The following GRAMD1B variants were observed in gnomAD, a reference collection of about 807,000 sequenced individuals.
GRAMD1B encodes the protein GRAM domain containing 1B, also known as protein Aster-B.
In GRAMD1B, 37 loss-of-function variants were observed where a neutral mutation model predicts 99.7. The ratio of observed to expected loss-of-function variants is 0.37; its 90% CI spans 0.29 to 0.49. The LOEUF (loss-of-function observed/expected upper bound fraction) is 0.49. Among genes scored for constraint, GRAMD1B ranks in the 20% least tolerant of loss-of-function variants. The pLI, the probability that GRAMD1B is intolerant of heterozygous loss-of-function variation, is 0.98. For synonymous variants in GRAMD1B, 427 were observed against 387.6 expected (o/e 1.10, Z -1.19); for missense variants, 888 against 1,009.2 (o/e 0.88, Z 1.63).
intron 2 of GRAMD1B, among the ~76,000 whole-genome samples, chr11:123,553,640 G>A (rs1945852509): frequency 6.6e-6 from 1 of 152,148 alleles, no homozygotes; most frequent in African/African-American, 2.4e-5. Context: ...GAGGTCTTGG[G>A]TTACAGCTGG....
chr11:123,489,759 T>C (rs1374786066), intron 2 of GRAMD1B, among the ~76,000 whole-genome samples: 1 of 152,182 alleles, frequency 6.6e-6, no homozygotes, highest in African/African-American at 2.4e-5. Flanking sequence ...AAAATTCTTG[T>C]TTTAATATGG....
chr11:123,542,501 T>C (rs1265654636), intron 2 of GRAMD1B, among the ~76,000 whole-genome samples: 1 of 152,106 alleles, frequency 6.6e-6, no homozygotes, highest in Non-Finnish European at 1.5e-5. Flanking sequence ...GCTGGAGAGT[T>C]TGTGCTCTGG....
chr11:123,595,085 A>ATT (rs1231637361), intron 6 of GRAMD1B, among the ~76,000 whole-genome samples: 6 of 152,158 alleles, frequency 3.9e-5, no homozygotes, highest in Non-Finnish European at 8.8e-5. Flanking sequence ...CTTTTGTCAA[A>ATT]TGCAGGCAAA....
At chr11:123,401,368 C>CTG (rs1409752133) in intron 1 of GRAMD1B, among the ~76,000 whole-genome samples, 1 of 152,244 alleles carries the variant, frequency 6.6e-6, no homozygotes, top group Non-Finnish European at 1.5e-5. Context: ...CAGCCTGTTG[C>CTG]GTCCGCTCTG....
intron 1 of GRAMD1B, among the ~76,000 whole-genome samples, chr11:123,443,992 A>G (rs1949525830): frequency 6.6e-6 from 1 of 152,128 alleles, no homozygotes; most frequent in African/African-American, 2.4e-5. Flanking sequence ...GTGGAGACCA[A>G]AGTTCTTATT....
chr11:123,613,270 AC>A (rs1473648696), intron 15 of GRAMD1B, 184 bp from the exon 16 acceptor site: 1 of 595,408 alleles, frequency 1.7e-6, no homozygotes, highest in African/African-American at 1.9e-5. Context: ...ATGTTGAACA[AC>A]CCCAGAGGAA....
chr11:123,580,339 C>T (rs1360231655), intron 3 of GRAMD1B, among the ~76,000 whole-genome samples: 1 of 152,162 alleles, frequency 6.6e-6, no homozygotes, highest in Non-Finnish European at 1.5e-5. Context: ...CATGCCCCTC[C>T]CCGTGGAACA....
intron 1 of GRAMD1B, among the ~76,000 whole-genome samples, chr11:123,416,123 T>C (rs1948225948): frequency 6.6e-6 from 1 of 152,212 alleles, no homozygotes; most frequent in African/African-American, 2.4e-5. Flanking sequence ...ACAGTTAGTC[T>C]TCAAAGTGGA....
In GRAMD1B at chr11:123,570,983, G is replaced by T. The variant is rs549816393; in HGVS notation, c.453-6384G>T. 2.0e-5 allele frequency among the ~76,000 whole-genome samples: 3 copies of T among 152,300 alleles called. No homozygotes were observed. In the East Asian group the frequency reaches 5.8e-4, roughly 29 times the overall value. Reference sequence around the variant, plus strand: ...GTGTCCAGGTGTGGGGAGGGGGGCTGACAGTCTGACTGGGAATGCGCCAGG... The same window carrying T: ...GTGTCCAGGTGTGGGGAGGGGGGCTTACAGTCTGACTGGGAATGCGCCAGG... On this transcript the variant is annotated intron_variant, in intron 2 of 19. Coordinates refer to ENST00000635736, the MANE Select transcript of GRAMD1B (RefSeq NM_001387025.1).
intron 4 of GRAMD1B, among the ~76,000 whole-genome samples, chr11:123,590,117 C>T (rs1950498617): frequency 6.6e-6 from 1 of 152,142 alleles, no homozygotes; most frequent in Non-Finnish European, 1.5e-5. Flanking sequence ...CTACTTTGAC[C>T]TGAAGATCTG....
chr11:123,558,767 C>T (rs568234580), intron 2 of GRAMD1B, among the ~76,000 whole-genome samples: 22 of 152,310 alleles, frequency 1.4e-4, no homozygotes, highest in African/African-American at 3.1e-4. Flanking sequence ...CTCTAGGTAA[C>T]GGAGGCAGGG....
rs1255784625 is a variant in GRAMD1B at position 123,624,967 on chromosome 11, T to G, written c.*2372T>G. 6.6e-6 allele frequency: 1 copy of G among 152,180 alleles called. No individual in the cohort carries two copies. The highest frequency in any genetic ancestry group is 1.5e-5 in the Non-Finnish European group (1 of 68,026). 9.4% of individuals were successfully genotyped at this position (152,180 alleles called of 1,614,324 possible). On this transcript the variant is annotated 3_prime_UTR_variant, in exon 20 of 20. Coordinates refer to ENST00000635736, the MANE Select transcript of GRAMD1B (RefSeq NM_001387025.1). ...AGAGCCCTCCTGGTTTTTTAGCGATTTGAACCCACTAGACAATGTGTGCAC... is the reference window on the plus strand; with the variant it reads ...AGAGCCCTCCTGGTTTTTTAGCGATGTGAACCCACTAGACAATGTGTGCAC...
At position 123,363,915 on chromosome 11, in the gene GRAMD1B, C is replaced by T. The variant is rs568194832; in HGVS notation, c.-176+5116C>T. On this transcript the variant is annotated intron_variant, in intron 1 of 20. Transcript: ENST00000638157. The stretch of plus-strand genomic sequence containing the variant: ...ATTTAGTAGCAATTAAATGCATGCC[C>T]GTTTGCACATAACCATCCTTTTGAA... Among the ~76,000 whole-genome samples the T allele has an allele frequency of 7.9e-5, 12 of 152,194 alleles. No homozygotes were observed. In the South Asian group the frequency reaches 8.3e-4, roughly 11 times the overall value.
At chr11:123,421,399 A>G (rs1003810409) in intron 1 of GRAMD1B, among the ~76,000 whole-genome samples, 12 of 152,358 alleles carry the variant, frequency 7.9e-5, no homozygotes, top group African/African-American at 2.6e-4. Context: ...AGGTCAAAAT[A>G]TTATGTCCAA....
chr11:123,591,799 C>G lies in GRAMD1B; in HGVS notation c.685-2283C>G, dbSNP rs1393410263. Among the ~76,000 whole-genome samples, 3 of 152,158 alleles carry G rather than the reference C, an allele frequency of 2.0e-5. No homozygotes were observed. The highest frequency in any genetic ancestry group is 4.4e-5 in the Non-Finnish European group (3 of 68,034). On this transcript the variant is annotated intron_variant, in intron 4 of 19. Coordinates refer to ENST00000635736, the MANE Select transcript of GRAMD1B (RefSeq NM_001387025.1). The surrounding 1 kb of genome is among the most constrained non-coding windows in gnomAD (Gnocchi z 4.7). Reference sequence around the variant, plus strand: ...GATGAGCCTGCCATGCACACAACAGCCTTGTGGAATAGGCTTGTGTTGGGA... The same window carrying G: ...GATGAGCCTGCCATGCACACAACAGGCTTGTGGAATAGGCTTGTGTTGGGA...
chr11:123,575,257 C>T (rs1049480471), intron 2 of GRAMD1B, among the ~76,000 whole-genome samples: 1 of 152,156 alleles, frequency 6.6e-6, no homozygotes, highest in South Asian at 2.1e-4. Context: ...GAAGGAATCT[C>T]CTTTCCATTC....
rs1426407343 is a variant in GRAMD1B at position 123,549,547 on chromosome 11, A to T, written c.453-27820A>T. On this transcript the variant is annotated intron_variant, in intron 2 of 19. Coordinates refer to ENST00000635736, the MANE Select transcript of GRAMD1B (RefSeq NM_001387025.1). ...ACAGAGTGAGACTCAGTCTCAAAAA[A>T]AAAAGAATGATTGTGGACCTTTAGG... Among the ~76,000 whole-genome samples the T allele has an allele frequency of 5.9e-5, 9 of 152,220 alleles. No homozygotes were observed. In the South Asian group the frequency reaches 8.3e-4, roughly 14 times the overall value.
chr11:123,551,564 G>T (rs146834727), intron 2 of GRAMD1B, among the ~76,000 whole-genome samples: 1 of 152,150 alleles, frequency 6.6e-6, no homozygotes, highest in Non-Finnish European at 1.5e-5. Context: ...TCCAAAACTT[G>T]GTGGCTTGCG....
At chr11:123,612,935 CAGGG>C in intron 15 of GRAMD1B, 71 bp downstream of exon 15, 1 of 828,454 alleles carries the variant, frequency 1.2e-6, no homozygotes, top group Non-Finnish European at 2.0e-6. Flanking sequence ...GCCCACCATT[CAGGG>C]GAATGGTATT....
Sources: gnomAD v4.1 joint callset for allele counts (sites outside exome capture counted in the v4.1 genomes callset) on GRCh38, gnomAD v4.1.1 for gene constraint, Gnocchi (gnomAD v3.1) non-coding constraint, MANE v1.5 for transcripts, NCBI Gene and HGNC (gene_info 2026-07-23, HGNC 2026-07-21) for gene names.